SGMS1: variants seen among roughly 807,000 people sequenced by gnomAD.
SGMS1 encodes the protein sphingomyelin synthase 1.
SGMS1 carries 13 observed loss-of-function variants against 46.2 expected under a neutral mutation model. The ratio of observed to expected loss-of-function variants is 0.28; its 90% CI spans 0.18 to 0.45. The LOEUF (loss-of-function observed/expected upper bound fraction) is 0.45. SGMS1 is among the 20% of genes least tolerant of loss of function. SGMS1 has a pLI of 1.00. For synonymous variants in SGMS1, 203 were observed against 187.8 expected, an observed-to-expected ratio of 1.08 and a Z score of -0.66; for missense variants, 324 against 519.9, an observed-to-expected ratio of 0.62 and a Z score of 3.66.
At chr10:50,530,818 C>T (rs958556035) in intron 2 of SGMS1, among the ~76,000 whole-genome samples, 25 of 152,122 alleles carry the variant, frequency 1.6e-4, no homozygotes, top group African/African-American at 6.0e-4. Flanking sequence ...CATGCAAATG[C>T]AGTGTGGTTT....
chr10:50,326,648 T>C (rs944664354), intron 8 of SGMS1, among the ~76,000 whole-genome samples: 1 of 152,150 alleles, frequency 6.6e-6, no homozygotes, highest in African/African-American at 2.4e-5. Flanking sequence ...AGAGTGTCAT[T>C]TGAATCTGAT....
intron 2 of SGMS1, among the ~76,000 whole-genome samples, chr10:50,559,131 CT>C (rs763487067): frequency 2.6e-5 from 4 of 152,172 alleles, no homozygotes; most frequent in Non-Finnish European, 5.9e-5. Context: ...CTAAGGGGAA[CT>C]GGTAAACATG....
chr10:50,417,483 C>A (rs1033373504), intron 6 of SGMS1, among the ~76,000 whole-genome samples: 1 of 151,994 alleles, frequency 6.6e-6, no homozygotes, highest in African/African-American at 2.4e-5. Flanking sequence ...TATTTATTGA[C>A]AAATTCCACA....
Position 50,330,217 on chromosome 10 carries a change from G to T in SGMS1, c.624-2895C>A, listed in dbSNP as rs534293538. Among the ~76,000 whole-genome samples the T allele has an allele frequency of 4.5e-3, 690 of 152,264 alleles. 5 individuals carry two copies. The highest frequency in any genetic ancestry group is 7.6e-3 in the Non-Finnish European group (515 of 68,016). On this transcript the variant is annotated intron_variant, in intron 7 of 10. Transcript: ENST00000361781. ...GCCTGTAATCCCAGCACTTTGGGAG[G>T]CTGAGGCAGGTGGATCACTTGAGCC... is the stretch of plus-strand genomic sequence containing the variant.
chr10:50,351,087 C>T (rs1848003394), intron 6 of SGMS1, among the ~76,000 whole-genome samples: 2 of 152,218 alleles, frequency 1.3e-5, no homozygotes, highest in South Asian at 4.1e-4. Context: ...ACCATAGGAA[C>T]ACACCTTTTG....
rs1003628759 is a variant in SGMS1 at position 50,427,059 on chromosome 10, G to C, written c.-232+6417C>G. Among the ~76,000 whole-genome samples the C allele has an allele frequency of 1.2e-4, 18 of 152,208 alleles. 1 individual carries two copies. Among genetic ancestry groups the C allele is most frequent in the Non-Finnish European group, 4.4e-5 (3 of 68,036 alleles). On this transcript the variant is annotated intron_variant, in intron 6 of 10. Coordinates refer to ENST00000361781, the MANE Select transcript of SGMS1 (RefSeq NM_147156.4). ...ACTAAGAACTTTGTTGTAATAGTAT[G>C]TTAAGCACTTTATAACAGAAAAAAT...
At chr10:50,529,095 T>C (rs1049143321) in intron 2 of SGMS1, among the ~76,000 whole-genome samples, 11 of 152,218 alleles carry the variant, frequency 7.2e-5, no homozygotes, top group African/African-American at 2.7e-4. Context: ...AGGGTATGTG[T>C]ATGTGTTTCA....
intron 6 of SGMS1, among the ~76,000 whole-genome samples, chr10:50,391,053 G>C (rs546608120): frequency 2.6e-5 from 4 of 152,330 alleles, no homozygotes; most frequent in African/African-American, 9.6e-5. Flanking sequence ...GAAGCGTGTA[G>C]TTTGCCCGAG....
rs912957917 is a variant in SGMS1 at position 50,539,523 on chromosome 10, T to C, written c.-588-19602A>G. Among the ~76,000 whole-genome samples, 9 of 152,234 alleles carry C rather than the reference T, an allele frequency of 5.9e-5. 1 individual carries two copies. The highest frequency in any genetic ancestry group is 1.9e-4 in the African/African-American group (8 of 41,462). On this transcript the variant is annotated intron_variant, in intron 2 of 10. Coordinates refer to ENST00000361781, the MANE Select transcript of SGMS1 (RefSeq NM_147156.4). ...GACACAGTATACACTAAGTATTATATGGGACCTGATTCTCAAACTTATGGA... is the reference window on the plus strand; with the variant it reads ...GACACAGTATACACTAAGTATTATACGGGACCTGATTCTCAAACTTATGGA...
At chr10:50,569,260 C>T (rs1327690211) in intron 2 of SGMS1, among the ~76,000 whole-genome samples, 1 of 145,338 alleles carries the variant, frequency 6.9e-6, no homozygotes, top group African/African-American at 2.6e-5. Flanking sequence ...GTGTAACAAA[C>T]CTGCACATTC....
chr10:50,584,742 T>C (rs1175736357), intron 2 of SGMS1, among the ~76,000 whole-genome samples: 1 of 152,176 alleles, frequency 6.6e-6, no homozygotes, highest in East Asian at 1.9e-4. Context: ...CCCAAATCCA[T>C]GTGTAAGTAT....
At chr10:50,546,977 C>CT (rs965486897) in intron 2 of SGMS1, among the ~76,000 whole-genome samples, 29 of 152,278 alleles carry the variant, frequency 1.9e-4, no homozygotes, top group Admixed American at 3.3e-4. Context: ...TGGAATTTCT[C>CT]TTTAATCAAA....
chr10:50,327,106 T>C, intron 8 of SGMS1, 99 bp downstream of exon 8: 1 of 698,296 alleles, frequency 1.4e-6, no homozygotes, highest in Non-Finnish European at 2.6e-6. Flanking sequence ...GTGACTCCAC[T>C]GTATTCTGAA....
In SGMS1 at chr10:50,456,455, A is replaced by T. The variant is rs546074488; in HGVS notation, c.-313+4218T>A. On this transcript the variant is annotated intron_variant, in intron 5 of 10. Coordinates refer to ENST00000361781, the MANE Select transcript of SGMS1 (RefSeq NM_147156.4). ...TTAATATAGTCTTTAAGAGAACAAGAAGTAATAATAAGTCATAGTCCTAGC... is the reference window on the plus strand; with the variant it reads ...TTAATATAGTCTTTAAGAGAACAAGTAGTAATAATAAGTCATAGTCCTAGC... Among the ~76,000 whole-genome samples the T allele has an allele frequency of 2.6e-5, 4 of 152,328 alleles. No homozygotes were observed. The South Asian group carries it at 8.3e-4, about 32-fold the overall frequency.
At chr10:50,477,154 G>A (rs1443567960) in intron 3 of SGMS1, among the ~76,000 whole-genome samples, 1 of 152,252 alleles carries the variant, frequency 6.6e-6, no homozygotes, top group Non-Finnish European at 1.5e-5. Context: ...TGAGGGCTGA[G>A]CCCTGCAGAG....
chr10:50,471,807 T>C (rs964344521), intron 3 of SGMS1, among the ~76,000 whole-genome samples: 2 of 152,230 alleles, frequency 1.3e-5, no homozygotes, highest in African/African-American at 4.8e-5. Context: ...AGAGCATTAC[T>C]AAAACCAAAC....
In SGMS1 at chr10:50,615,955, T is replaced by C. The variant is rs111840634; in HGVS notation, c.-684+7752A>G. ...CTGTAAAATTCTTTGGAAGTACCCA[T>C]ATTTTTTGTGAAACCCAACAAAACT... is the stretch of plus-strand genomic sequence containing the variant. On this transcript the variant is annotated intron_variant, in intron 1 of 10. Transcript: ENST00000361781. Among the ~76,000 whole-genome samples the C allele has an allele frequency of 3.4e-3, 517 of 152,310 alleles. 1 individual carries two copies. The highest frequency in any genetic ancestry group is 0.011 in the African/African-American group (471 of 41,576).
chr10:50,525,365 C>G (rs888547574), intron 2 of SGMS1, among the ~76,000 whole-genome samples: 1 of 152,152 alleles, frequency 6.6e-6, no homozygotes, highest in Admixed American at 6.5e-5. Context: ...GAGGCATGAA[C>G]AGGAATGCTG....
intron 3 of SGMS1, among the ~76,000 whole-genome samples, chr10:50,515,142 C>G (rs988007354): frequency 4.6e-5 from 7 of 152,152 alleles, no homozygotes; most frequent in African/African-American, 1.7e-4. Context: ...CCAAGTGTCC[C>G]AGTGCCAAGT....
Sources: allele counts gnomAD v4.1 joint callset (sites outside exome capture counted in the v4.1 genomes callset), GRCh38; gene constraint gnomAD v4.1.1; transcripts MANE v1.5; gene names NCBI Gene and HGNC (gene_info 2026-07-23, HGNC 2026-07-21).